Variants in MEGF6 observed in about 807,000 individuals in gnomAD.
MEGF6 encodes the protein multiple epidermal growth factor-like domains protein 6.
In MEGF6, 184 loss-of-function variants were observed where a neutral mutation model predicts 207.1. That is an observed-to-expected ratio of 0.89 (90% CI 0.79 to 1.00). MEGF6 has a LOEUF of 1.00. Ranked by LOEUF, MEGF6 falls within the 50% of genes least tolerant of loss-of-function variation. The probability of loss-of-function intolerance (pLI) is 0.00; values close to 1 mark genes in which losing one functional copy is unlikely to be tolerated. For synonymous variants in MEGF6, 1,038 were observed against 910.0 expected, an observed-to-expected ratio of 1.14 and a Z score of -2.53; for missense variants, 2,282 against 2,202.9, an observed-to-expected ratio of 1.04 and a Z score of -0.72.
At chr1:3,597,843 G>C (rs1489650695) in intron 2 of MEGF6, among the ~76,000 whole-genome samples, 1 of 152,196 alleles carries the variant, frequency 6.6e-6, no homozygotes, top group East Asian at 1.9e-4. Context: ...CACCTGGTTT[G>C]TCGGGGCTCA....
chr1:3,513,918 CTT>C (rs1570014336), intron 7 of MEGF6, among the ~76,000 whole-genome samples: 1 of 151,278 alleles, frequency 6.6e-6, no homozygotes, highest in East Asian at 2.0e-4. Context: ...TTATTCATCT[CTT>C]CAGTTTTCCT....
intron 5 of MEGF6, among the ~76,000 whole-genome samples, chr1:3,523,098 G>A (rs953558308): frequency 1.3e-5 from 2 of 152,086 alleles, no homozygotes; most frequent in Non-Finnish European, 2.9e-5. Context: ...CAGGGCTGGC[G>A]AGCTGCTCTG....
chr1:3,606,558 G>A (rs1644251791), intron 1 of MEGF6, among the ~76,000 whole-genome samples: 1 of 152,204 alleles, frequency 6.6e-6, no homozygotes, highest in African/African-American at 2.4e-5. Context: ...GGTTAGATGA[G>A]CCTGCACAGA....
intron 3 of MEGF6, among the ~76,000 whole-genome samples, chr1:3,592,894 T>C (rs1644002496): frequency 6.6e-6 from 1 of 152,214 alleles, no homozygotes; most frequent in African/African-American, 2.4e-5. Context: ...AGGATCTGTG[T>C]GGAGACCCCA....
rs115719225 is a variant in MEGF6, at chr1:3,599,324, G to T, written c.266+3142C>A. On this transcript the variant is annotated intron_variant, in intron 2 of 36. Transcript: ENST00000356575. ...CTCCTTGTCTGTCCAGGGCAGGAGG[G>T]TGACCCTGCACCAGGCAAGCCAGGG... Among the ~76,000 whole-genome samples, 605 of 152,340 alleles carry T rather than the reference G, an allele frequency of 4.0e-3. 5 individuals carry two copies. Among genetic ancestry groups the T allele is most frequent in the African/African-American group, 0.013 (522 of 41,590 alleles).
chr1:3,511,685 T>A lies in MEGF6; in HGVS notation c.979A>T (p.Ile327Phe), dbSNP rs759328940. Residue 327 changes from isoleucine to phenylalanine, a missense_variant and splice_region_variant, in exon 9 of 37, where the codon ATT becomes TTT. Ile to Phe is a conservative substitution (Grantham distance 21, BLOSUM62 0). Transcript: ENST00000356575. ...LGADGRQCYRIEMEIVNSCEA... is the reference protein window; with the variant it reads ...LGADGRQCYRFEMEIVNSCEA... Reference sequence around the variant, plus strand: ...CAGCTGTTCACGATTTCCATCTCAATCCCTGCCGTGAGACCAGCCACCCAG... The same window carrying A: ...CAGCTGTTCACGATTTCCATCTCAAACCCTGCCGTGAGACCAGCCACCCAG... 6.2e-7 allele frequency: 1 copy of A among 1,604,506 alleles called. No homozygotes were observed. The highest frequency in any genetic ancestry group is 1.7e-5 in the Admixed American group (1 of 59,788).
chr1:3,505,394 C>A, intron 16 of MEGF6, 28 bp downstream of exon 16: 1 of 1,570,696 alleles, frequency 6.4e-7, no homozygotes, highest in East Asian at 2.3e-5. Context: ...TGGCGCCCCC[C>A]GCCCCCAGAC....
At chr1:3,592,546 C>T (rs1643996449) in intron 3 of MEGF6, among the ~76,000 whole-genome samples, 1 of 152,174 alleles carries the variant, frequency 6.6e-6, no homozygotes, top group Non-Finnish European at 1.5e-5. Context: ...CCAGGGTCCC[C>T]GAACCCCCAG....
chr1:3,614,262 A>T (rs901911521), upstream of MEGF6, among the ~76,000 whole-genome samples: 1 of 152,162 alleles, frequency 6.6e-6, no homozygotes, highest in Non-Finnish European at 1.5e-5. Context: ...TCCTCTGCCC[A>T]GCCTGGTACT....
chr1:3,601,214 C>G (rs1252257986), intron 2 of MEGF6, among the ~76,000 whole-genome samples: 1 of 152,254 alleles, frequency 6.6e-6, no homozygotes. Context: ...AGCACTCTCT[C>G]CAGCCCTGGG....
At chr1:3,491,387 G>T (rs550233626) in intron 35 of MEGF6, among the ~76,000 whole-genome samples, 38 of 152,210 alleles carry the variant, frequency 2.5e-4, no homozygotes, top group African/African-American at 8.9e-4. Context: ...CAGTACCACA[G>T]ATGACCACTA....
chr1:3,498,804 G>A lies in MEGF6; in HGVS notation c.3117C>T (p.Gly1039=), dbSNP rs370608783. ...CLQACPAGLY[G]DNCRHSCLCQ... is the part of the protein sequence containing the mutation. The stretch of plus-strand genomic sequence containing the variant: ...AGAGGCAGGAATGCCGACAGTTGTC[G>A]CCGTACAGGCCGGCAGGGCAGGCTG... Residue 1039 remains glycine, a synonymous_variant, in exon 25 of 37, where the codon GGC becomes GGT. Transcript: ENST00000356575. 201 of 1,554,186 alleles carry A rather than the reference G, an allele frequency of 1.3e-4. No homozygotes were observed. Among genetic ancestry groups the A allele is most frequent in the Non-Finnish European group, 1.5e-4 (175 of 1,149,334 alleles).
intron 4 of MEGF6, among the ~76,000 whole-genome samples, chr1:3,526,320 G>A (rs1451831789): frequency 1.3e-5 from 2 of 152,076 alleles, no homozygotes; most frequent in African/African-American, 2.4e-5. Context: ...GCAAGAGCCC[G>A]GTACCCAGGC....
At chr1:3,609,591 T>G (rs912863593) in intron 1 of MEGF6, among the ~76,000 whole-genome samples, 1 of 152,110 alleles carries the variant, frequency 6.6e-6, no homozygotes, top group Admixed American at 6.5e-5. Context: ...AAGAGCAGGA[T>G]GTGAAGGACA....
chr1:3,604,202 A>G (rs1570245243), intron 1 of MEGF6, among the ~76,000 whole-genome samples: 1 of 152,030 alleles, frequency 6.6e-6, no homozygotes, highest in Admixed American at 6.5e-5. Flanking sequence ...CCTGCCCATG[A>G]CCTCCTGCCG....
At chr1:3,622,611 C>T in the MEGF6 span, among the ~76,000 whole-genome samples, 2 of 152,238 alleles carry the variant, frequency 1.3e-5, no homozygotes, top group South Asian at 2.1e-4. Context: ...TGGAGAAGGT[C>T]GTGTGAAGAT....
At chr1:3,603,943 C>T (rs1466941298) in intron 1 of MEGF6, among the ~76,000 whole-genome samples, 1 of 152,226 alleles carries the variant, frequency 6.6e-6, no homozygotes, top group East Asian at 1.9e-4. Context: ...GACTTCAGCC[C>T]ACCCCCTTGT....
At chr1:3,529,093 G>A (rs558612032) in intron 4 of MEGF6, among the ~76,000 whole-genome samples, 7 of 152,282 alleles carry the variant, frequency 4.6e-5, no homozygotes, top group East Asian at 1.9e-4. Flanking sequence ...CGGGAGCCGC[G>A]TGCCCTGCAG....
At position 3,509,068 on chromosome 1, in the gene MEGF6, C is replaced by A; in HGVS notation, c.1528+7G>T. ...CAGGAGCCCCCGGGGGCTGGGCCCG[C>A]GCTCACCAAACTTCTCTGTGAGCGT... On this transcript the variant is annotated splice_region_variant and intron_variant, in intron 12 of 36. Transcript: ENST00000356575. 6.4e-7 allele frequency: 1 copy of A among 1,573,726 alleles called. No homozygotes were observed.
Sources: gnomAD v4.1 joint callset for allele counts (sites outside exome capture counted in the v4.1 genomes callset) on GRCh38, gnomAD v4.1.1 for gene constraint, MANE v1.5 for transcripts, NCBI Gene and HGNC (gene_info 2026-07-23, HGNC 2026-07-21) for gene names.